The following DDX24 variants were observed in gnomAD, a reference collection of about 807,000 sequenced individuals.
DDX24 encodes the protein ATP-dependent RNA helicase DDX24.
Under a neutral mutation model 68.9 loss-of-function variants are expected in DDX24, and 24 were observed. The observed-to-expected ratio is 0.35, with a 90% CI of 0.25 to 0.49. The LOEUF (loss-of-function observed/expected upper bound fraction) is 0.49. DDX24 is among the 20% of genes least tolerant of loss of function. DDX24 has a pLI of 0.99. For missense variants in DDX24, 989 were observed against 1,039.0 expected (o/e 0.95, Z 0.66); for synonymous variants, 395 against 385.2 (o/e 1.03, Z -0.30).
chr14:94,048,838 G>A lies in DDX24; in HGVS notation c.*2353C>T, dbSNP rs1885333765. 6.6e-6 allele frequency: 1 copy of A among 152,282 alleles called. No individual in the cohort carries two copies. Among genetic ancestry groups the A allele is most frequent in the South Asian group, 2.1e-4 (1 of 4,836 alleles). The allele number at this position is 152,282 out of a possible 1,614,324, so 9.4% of individuals were successfully genotyped here. On this transcript the variant is annotated 3_prime_UTR_variant, in exon 9 of 9. Coordinates refer to ENST00000621632, the MANE Select transcript of DDX24 (RefSeq NM_020414.4). ...CTGTAACTCAGTGAGTGGCTTCCAG[G>A]GGCCCCAGGCCCTGCTGGATGTGGG...
rs1159646975 is a variant in DDX24 at position 94,062,121 on chromosome 14, T to C, written c.1219A>G (p.Ile407Val). ...CCTGTAAACCTGGCCACAGCATCAA[T>C]GTGCTGTTTGACCTGGACGGCCAGC... ...RELAVQVKQHIDAVARFTGIK... is the reference protein window; with the variant it reads ...RELAVQVKQHVDAVARFTGIK... The change falls in exon 3 of 9, where the codon ATT becomes GTT. Residue 407 changes from isoleucine (I) to valine (V), a missense_variant. Ile to Val is a conservative substitution (Grantham distance 29). Coordinates refer to ENST00000621632, the MANE Select transcript of DDX24 (RefSeq NM_020414.4). 5 of 1,612,872 alleles carry C rather than the reference T, an allele frequency of 3.1e-6. No individual in the cohort carries two copies. The highest frequency in any genetic ancestry group is 1.7e-6 in the Non-Finnish European group (2 of 1,179,260).
rs1885586463 is a variant in DDX24, at chr14:94,061,013, T to G, written c.1297A>C (p.Met433Leu). 3.7e-6 allele frequency: 6 copies of G among 1,614,088 alleles called. No homozygotes were observed. The African/African-American group carries it at 5.3e-5, about 14-fold the overall frequency. ...GGMSTQKQQR[M>L]LNRRPEIVVA... The stretch of plus-strand genomic sequence containing the variant: ...ACAATCTCAGGACGACGGTTCAGCA[T>G]CCTCTGCTGTTTCTGCGTGGACATT... The change falls in exon 4 of 9, where the codon ATG (methionine) becomes CTG (leucine). Residue 433 changes from methionine (M) to leucine (L), a missense_variant. Physicochemically the swap from Met to Leu is conservative, Grantham distance 15. Transcript: ENST00000621632.
At chr14:94,060,824 G>A (rs563658307) in intron 4 of DDX24, 89 bp downstream of exon 4, 5 of 1,542,360 alleles carry the variant, frequency 3.2e-6, no homozygotes, top group South Asian at 2.5e-5. Flanking sequence ...AGCATTCTGC[G>A]ATGAGAAGAA....
intron 8 of DDX24, among the ~76,000 whole-genome samples, chr14:94,052,032 C>T (rs1885397442): frequency 1.3e-5 from 2 of 152,258 alleles, no homozygotes; most frequent in Admixed American, 6.5e-5. Flanking sequence ...CCAGGGCCTC[C>T]ACATCTTCGG....
At position 94,062,089 on chromosome 14, in the gene DDX24, A is replaced by C. The variant is rs778040395; in HGVS notation, c.1243+8T>G. On this transcript the variant is annotated splice_region_variant and intron_variant, in intron 3 of 8. Transcript: ENST00000621632. ...AGAAAATATTTATTAAATGGAACTAAACCTCACCTGTAAACCTGGCCACAG... is the reference window on the plus strand; with the variant it reads ...AGAAAATATTTATTAAATGGAACTACACCTCACCTGTAAACCTGGCCACAG... 6 of 1,601,098 alleles carry C rather than the reference A, an allele frequency of 3.7e-6. No individual in the cohort carries two copies. In the African/African-American group the frequency reaches 8.1e-5, roughly 22 times the overall value.
At chr14:94,053,358 CTTTTTTTTTTTTTTT>C (rs1160011824) in intron 7 of DDX24, 8 of 124,786 alleles carry the variant, frequency 6.4e-5, no homozygotes, top group African/African-American at 2.6e-4. Flanking sequence ...TAGGTAATTT[CTTTTTTTTTTTTTTT>C]TTTTTTTTTT....
In DDX24 at chr14:94,063,099, G is replaced by A. The variant is rs75446464; in HGVS notation, c.719-478C>T. On this transcript the variant is annotated intron_variant, in intron 2 of 8. Coordinates refer to ENST00000621632, the MANE Select transcript of DDX24 (RefSeq NM_020414.4). The stretch of plus-strand genomic sequence containing the variant: ...ATGTACACAGAGTCCAAATCATCTG[G>A]GTGGTCAAAACAAAACATCTCAGGC... Among the ~76,000 whole-genome samples, 995 of 152,198 alleles carry A rather than the reference G, an allele frequency of 6.5e-3. 9 individuals are homozygous for A. Among genetic ancestry groups the A allele is most frequent in the African/African-American group, 0.023 (950 of 41,514 alleles).
chr14:94,048,554 GATT>G lies in DDX24; in HGVS notation c.*2634_*2636del, dbSNP rs1337260125. The G allele has an allele frequency of 6.6e-6, 1 of 152,178 alleles. No individual in the cohort carries two copies. The highest frequency in any genetic ancestry group is 1.9e-4 in the East Asian group (1 of 5,198). The allele number at this position is 152,178 out of a possible 1,614,324, so 9.4% of individuals were successfully genotyped here. On this transcript the variant is annotated 3_prime_UTR_variant, in exon 9 of 9. Coordinates refer to ENST00000621632, the MANE Select transcript of DDX24 (RefSeq NM_020414.4). ...TGGCAACAATACCTATGTGTCACTG[GATT>G]ATTGGTTAAAACAGAATGAGATTCC...
chr14:94,056,080 G>A (rs1404662699), intron 6 of DDX24: 2 of 152,106 alleles, frequency 1.3e-5, no homozygotes, highest in African/African-American at 4.8e-5. Flanking sequence ...CTTCTTAGGG[G>A]CTGGGACTGT....
At chr14:94,074,866 T>C (rs540747199) in intron 2 of DDX24, among the ~76,000 whole-genome samples, 25 of 152,302 alleles carry the variant, frequency 1.6e-4, no homozygotes, top group Admixed American at 5.2e-4. Flanking sequence ...TTTCTACTTA[T>C]TGGCGACAAA....
Position 94,078,946 on chromosome 14 carries a change from T to C in DDX24, c.718+79A>G, listed in dbSNP as rs1000642887. ...GTGGTTATGTTCTTCAACATTCTTC[T>C]CTCTCCCAATTATCTGGCCTATTAG... On this transcript the variant is annotated intron_variant, in intron 2 of 8. Coordinates refer to ENST00000621632, the MANE Select transcript of DDX24 (RefSeq NM_020414.4). The C allele has an allele frequency of 1.2e-5, 17 of 1,415,634 alleles. No homozygotes were observed. The African/African-American group carries it at 2.3e-4, about 19-fold the overall frequency. The allele number at this position is 1,415,634 out of a possible 1,614,324, so 87.7% of individuals were successfully genotyped here.
At chr14:94,054,348 G>T (rs10136663) in intron 7 of DDX24, among the ~76,000 whole-genome samples, 1 of 151,856 alleles carries the variant, frequency 6.6e-6, no homozygotes, top group African/African-American at 2.4e-5. Context: ...CTGTGCCATG[G>T]TTTTGCTCCC....
chr14:94,050,897 A>AG lies in DDX24; in HGVS notation c.*293_*294insC. 3.0e-6 allele frequency: 1 copy of AG among 335,316 alleles called. No homozygotes were observed. Among genetic ancestry groups the AG allele is most frequent in the East Asian group, 4.8e-5 (1 of 20,966 alleles). 20.8% of individuals were successfully genotyped at this position (335,316 alleles called of 1,614,324 possible). On this transcript the variant is annotated 3_prime_UTR_variant, in exon 9 of 9. Coordinates refer to ENST00000621632, the MANE Select transcript of DDX24 (RefSeq NM_020414.4). ...CCCATCTTCTATCTAAAAAAAAAAA[A>AG]AAAAAATCAGGATGACACAATGGCT...
chr14:94,055,934 G>T (rs1437804476), intron 6 of DDX24: 1 of 152,050 alleles, frequency 6.6e-6, no homozygotes, highest in Non-Finnish European at 1.5e-5. Context: ...TAAATGCCAG[G>T]CATGTTTTTA....
At chr14:94,077,428 C>T (rs2141437569) in intron 2 of DDX24, among the ~76,000 whole-genome samples, 1 of 152,354 alleles carries the variant, frequency 6.6e-6, no homozygotes, top group South Asian at 2.1e-4. Flanking sequence ...ACTTCCAGGA[C>T]TCTGCTGCAC....
At chr14:94,054,844 T>C (rs1885461394) in intron 7 of DDX24, 152 bp downstream of exon 7, 1 of 912,136 alleles carries the variant, frequency 1.1e-6, no homozygotes, top group Non-Finnish European at 1.7e-6. Context: ...GGTATGTTGC[T>C]CTCAATCCTT....
rs759475142 is a variant in DDX24 at position 94,060,616 on chromosome 14, G to A, written c.1398-3C>T. ...CAGCCTCATCCACTACCAGGCACCT[G>A]CAGATCCAGAGAGACCCATATCATT... On this transcript the variant is annotated splice_polypyrimidine_tract_variant and splice_region_variant and intron_variant, in intron 4 of 8. Coordinates refer to ENST00000621632, the MANE Select transcript of DDX24 (RefSeq NM_020414.4). The A allele has an allele frequency of 2.4e-5, 38 of 1,611,916 alleles. No individual in the cohort carries two copies. In the East Asian group the frequency reaches 8.2e-4, roughly 35 times the overall value.
In DDX24 at chr14:94,062,497, G is replaced by A. The variant is rs761045973; in HGVS notation, c.843C>T (p.Ala281=). ...TGCCTGGTGATCTAGTCTCAGCTCCGGCCTCAGTTCTGGTCTCTCCAGGTG... is the reference window on the plus strand; with the variant it reads ...TGCCTGGTGATCTAGTCTCAGCTCCAGCCTCAGTTCTGGTCTCTCCAGGTG... ...EAPPGETRTE[A]GAETRSPGKA... The change falls in exon 3 of 9, where the codon GCC becomes GCT. Residue 281 remains alanine (A), a synonymous_variant. Coordinates refer to ENST00000621632, the MANE Select transcript of DDX24 (RefSeq NM_020414.4). The A allele has an allele frequency of 6.2e-6, 10 of 1,614,022 alleles. No individual in the cohort carries two copies. Among genetic ancestry groups the A allele is most frequent in the African/African-American group, 1.3e-5 (1 of 74,982 alleles).
Position 94,053,358 on chromosome 14 carries a change from CTTTTTTTTTTTTT to C in DDX24, c.2179-244_2179-232del, listed in dbSNP as rs1160011824. ...AGGCACCACCATGCCTAGGTAATTT[CTTTTTTTTTTTTT>C]TTTTTTTTTTTTTTTTCGTAAAGAC... On this transcript the variant is annotated intron_variant, in intron 7 of 8. Transcript: ENST00000621632. 90 of 124,736 alleles carry C rather than the reference CTTTTTTTTTTTTT, an allele frequency of 7.2e-4. 1 individual carries two copies. Among genetic ancestry groups the C allele is most frequent in the Middle Eastern group, 3.0e-3 (1 of 338 alleles). 7.7% of individuals were successfully genotyped at this position (124,736 alleles called of 1,614,324 possible).
Sources: allele counts gnomAD v4.1 joint callset (sites outside exome capture counted in the v4.1 genomes callset), GRCh38; gene constraint gnomAD v4.1.1; transcripts MANE v1.5; gene names NCBI Gene and HGNC (gene_info 2026-07-23, HGNC 2026-07-21).